Variants in KDM2A observed in about 807,000 individuals in gnomAD.
The protein encoded by KDM2A is lysine-specific demethylase 2A.
KDM2A carries 3 observed loss-of-function variants against 137.3 expected under a neutral mutation model. The ratio of observed to expected loss-of-function variants is 0.02; its 90% CI spans 0.01 to 0.06. KDM2A has a LOEUF of 0.06. Ranked by LOEUF, KDM2A falls within the 10% of genes least tolerant of loss-of-function variation. KDM2A has a pLI of 1.00. For synonymous variants in KDM2A, 512 were observed against 541.5 expected (o/e 0.95, Z 0.76); for missense variants, 738 against 1,510.6 (o/e 0.49, Z 8.48).
intron 5 of KDM2A, chr11:67,196,361 A>G: frequency 2.2e-6 from 1 of 456,046 alleles, no homozygotes; most frequent in South Asian, 1.5e-5. Context: ...GCTGGCCTTG[A>G]AATCCTGGAC....
rs550080559 is a variant in KDM2A, at chr11:67,170,985, C to CT, written c.43-9091dup. On this transcript the variant is annotated intron_variant, in intron 2 of 20. Transcript: ENST00000529006. ...GCTTTGTAACCTGGGCAAGTTACTT[C>CT]TTTCATTTTCCTTGCTTTGGTAAAG... Among the ~76,000 whole-genome samples the CT allele has an allele frequency of 4.2e-3, 639 of 152,184 alleles. 2 individuals carry two copies. Among genetic ancestry groups the CT allele is most frequent in the African/African-American group, 0.013 (527 of 41,518 alleles).
intron 2 of KDM2A, among the ~76,000 whole-genome samples, chr11:67,148,459 TAA>T (rs142984190): frequency 0.086 from 13,078 of 151,586 alleles, 1,893 homozygotes; most frequent in African/African-American, 0.3. Flanking sequence ...TTTCATGGGG[TAA>T]AACTCAAATA....
At chr11:67,207,804 C>G (rs577007352) in intron 6 of KDM2A, 116 bp downstream of exon 6, 14 of 755,762 alleles carry the variant, frequency 1.9e-5, no homozygotes, top group Non-Finnish European at 2.4e-5. Context: ...GGAGGCAGAT[C>G]GCTTGAGCTG....
At chr11:67,177,986 A>C (rs1857007367) in intron 2 of KDM2A, among the ~76,000 whole-genome samples, 1 of 152,204 alleles carries the variant, frequency 6.6e-6, no homozygotes, top group South Asian at 2.1e-4. Context: ...CAGTTCATAT[A>C]TATTGACTGA....
At chr11:67,144,717 C>T (rs1333891573) in intron 2 of KDM2A, among the ~76,000 whole-genome samples, 3 of 151,536 alleles carry the variant, frequency 2.0e-5, no homozygotes, top group African/African-American at 4.9e-5. Flanking sequence ...GCACGCACCA[C>T]GAAGCCCAGC....
chr11:67,161,432 A>C (rs566035420), intron 2 of KDM2A, among the ~76,000 whole-genome samples: 1 of 152,316 alleles, frequency 6.6e-6, no homozygotes, highest in African/African-American at 2.4e-5. Flanking sequence ...GTAGATTAGG[A>C]AAATTAGTAT....
intron 2 of KDM2A, among the ~76,000 whole-genome samples, chr11:67,142,221 G>C (rs60287734): frequency 6.6e-6 from 1 of 151,764 alleles, no homozygotes; most frequent in Non-Finnish European, 1.5e-5. Context: ...ATTTTTAGTA[G>C]AGGTGGGGTT....
intron 5 of KDM2A, among the ~76,000 whole-genome samples, chr11:67,193,475 A>G (rs1050443084): frequency 6.6e-6 from 1 of 152,252 alleles, no homozygotes; most frequent in African/African-American, 2.4e-5. Context: ...GATTAATAGT[A>G]GAAACTCTAG....
At chr11:67,131,191 G>C (rs2136283630) in intron 2 of KDM2A, among the ~76,000 whole-genome samples, 1 of 151,964 alleles carries the variant, frequency 6.6e-6, no homozygotes, top group Admixed American at 6.6e-5. Flanking sequence ...GGGCATGGTG[G>C]TGCACGCCTG....
chr11:67,159,691 A>G (rs1042519594), intron 2 of KDM2A, among the ~76,000 whole-genome samples: 2 of 152,338 alleles, frequency 1.3e-5, no homozygotes, highest in South Asian at 4.1e-4. Context: ...ATTTGACTCA[A>G]TATTTGTCAG....
intron 2 of KDM2A, among the ~76,000 whole-genome samples, chr11:67,135,085 T>C (rs1230240397): frequency 2.0e-5 from 3 of 151,832 alleles, no homozygotes; most frequent in African/African-American, 4.8e-5. Flanking sequence ...TTTTTCCCCC[T>C]GAGACGGAGT....
intron 5 of KDM2A, among the ~76,000 whole-genome samples, chr11:67,182,861 A>G (rs1028687261): frequency 3.3e-5 from 5 of 152,198 alleles, no homozygotes; most frequent in Non-Finnish European, 7.4e-5. Context: ...AATGCGTCCA[A>G]TAGGACTTAA....
At chr11:67,175,548 G>T (rs1303770175) in intron 2 of KDM2A, among the ~76,000 whole-genome samples, 1 of 152,192 alleles carries the variant, frequency 6.6e-6, no homozygotes, top group African/African-American at 2.4e-5. Context: ...TAATAAATGG[G>T]AATGGCTTGG....
chr11:67,235,809 G>A (rs778822781), intron 12 of KDM2A, among the ~76,000 whole-genome samples: 8 of 150,732 alleles, frequency 5.3e-5, no homozygotes, highest in Admixed American at 2.0e-4. Flanking sequence ...TAGTAGAGAC[G>A]GGGTTTCACC....
In KDM2A at chr11:67,215,460, C is replaced by T. The variant is rs771670972; in HGVS notation, c.593+14C>T. ...TAAAGTGCAGAAGTAAGTGATGCGCCCTGCATCTTCCTCCGTGTGCTGTGG... is the reference window on the plus strand; with the variant it reads ...TAAAGTGCAGAAGTAAGTGATGCGCTCTGCATCTTCCTCCGTGTGCTGTGG... On this transcript the variant is annotated intron_variant, in intron 7 of 20. Transcript: ENST00000529006. 23 of 1,519,436 alleles carry T rather than the reference C, an allele frequency of 1.5e-5. No homozygotes were observed. The highest frequency in any genetic ancestry group is 2.0e-5 in the Non-Finnish European group (22 of 1,095,430). 94.1% of individuals were successfully genotyped at this position (1,519,436 alleles called of 1,614,324 possible).
chr11:67,121,849 G>C (rs573506198), intron 2 of KDM2A, among the ~76,000 whole-genome samples: 1 of 152,280 alleles, frequency 6.6e-6, no homozygotes, highest in East Asian at 1.9e-4. Flanking sequence ...TTGAAGGGTT[G>C]TTGGGATTGA....
chr11:67,131,623 G>A (rs1855856987), intron 2 of KDM2A, among the ~76,000 whole-genome samples: 1 of 151,894 alleles, frequency 6.6e-6, no homozygotes, highest in Non-Finnish European at 1.5e-5. Context: ...TATTGGCCAG[G>A]CTGGTCTGGA....
rs1171481663 is a variant in KDM2A, at chr11:67,187,727, C to T, written c.307+5835C>T. ...TAGCTGGATTTACAGGTGCCCGCCA[C>T]CACGCCCGGCTAAATTTTGTATTTT... is the stretch of plus-strand genomic sequence containing the variant. On this transcript the variant is annotated intron_variant, in intron 5 of 20. Coordinates refer to ENST00000529006, the MANE Select transcript of KDM2A (RefSeq NM_012308.3). 2.6e-5 allele frequency among the ~76,000 whole-genome samples: 4 copies of T among 152,152 alleles called. No individual in the cohort carries two copies. The South Asian group carries it at 6.2e-4, about 24-fold the overall frequency.
chr11:67,162,132 A>T (rs1269320257), intron 2 of KDM2A, among the ~76,000 whole-genome samples: 1 of 152,162 alleles, frequency 6.6e-6, no homozygotes, highest in Non-Finnish European at 1.5e-5. Context: ...AATGATGGAT[A>T]AATTATAGTT....
Sources: gnomAD v4.1 joint callset for allele counts (sites outside exome capture counted in the v4.1 genomes callset) on GRCh38, gnomAD v4.1.1 for gene constraint, MANE v1.5 for transcripts, NCBI Gene and HGNC (gene_info 2026-07-23, HGNC 2026-07-21) for gene names.